Variants in JMJD1C observed in about 807,000 individuals in gnomAD.
JMJD1C encodes jumonji domain containing 1C, also known as jumonji domain-containing protein 1C.
In JMJD1C, 31 loss-of-function variants were observed where a neutral mutation model predicts 245.3. The ratio of observed to expected loss-of-function variants is 0.13; its 90% CI spans 0.09 to 0.17. The LOEUF is 0.17. Among genes scored for constraint, JMJD1C ranks in the 10% least tolerant of loss-of-function variants. JMJD1C has a pLI of 1.00. For missense variants in JMJD1C, 2,691 were observed against 3,000.2 expected, an observed-to-expected ratio of 0.90 and a Z score of 2.41; for synonymous variants, 1,057 against 1,017.4, an observed-to-expected ratio of 1.04 and a Z score of -0.74.
intron 13 of JMJD1C, among the ~76,000 whole-genome samples, chr10:63,196,659 T>C (rs186028272): frequency 1.3e-5 from 2 of 152,342 alleles, no homozygotes; most frequent in East Asian, 3.9e-4. Context: ...CAATCTATAC[T>C]AAGTACTTCT....
intron 2 of JMJD1C, among the ~76,000 whole-genome samples, chr10:63,377,048 A>G (rs1324194764): frequency 6.6e-6 from 1 of 152,242 alleles, no homozygotes; most frequent in East Asian, 1.9e-4. Flanking sequence ...CAAATGGATG[A>G]AAAGAACGTG....
At chr10:63,476,559 C>CA (rs2133169877) in intron 1 of JMJD1C, among the ~76,000 whole-genome samples, 1 of 151,816 alleles carries the variant, frequency 6.6e-6, no homozygotes, top group Non-Finnish European at 1.5e-5. Context: ...CCTGTCTCCA[C>CA]AAAAAATTTT....
intron 1 of JMJD1C, among the ~76,000 whole-genome samples, chr10:63,421,086 A>G (rs1201807842): frequency 6.6e-6 from 1 of 152,152 alleles, no homozygotes; most frequent in Non-Finnish European, 1.5e-5. Context: ...TGTAATCCCA[A>G]CACAATGGGA....
At chr10:63,452,756 T>C (rs756907193) in intron 1 of JMJD1C, among the ~76,000 whole-genome samples, 10 of 152,150 alleles carry the variant, frequency 6.6e-5, no homozygotes, top group Non-Finnish European at 1.3e-4. Flanking sequence ...AGTGAAGTTA[T>C]GATACTTGCT....
chr10:63,261,249 G>T (rs902350940), intron 3 of JMJD1C, among the ~76,000 whole-genome samples: 3 of 151,964 alleles, frequency 2.0e-5, no homozygotes, highest in Non-Finnish European at 4.4e-5. Flanking sequence ...AATATATAAT[G>T]ATTGCATCCT....
At chr10:63,384,103 A>T (rs982631543) in intron 1 of JMJD1C, among the ~76,000 whole-genome samples, 1 of 152,188 alleles carries the variant, frequency 6.6e-6, no homozygotes, top group African/African-American at 2.4e-5. Flanking sequence ...TTGCCCATCC[A>T]TAAGAAACAA....
At chr10:63,518,592 T>C (rs1268760215) in intron 1 of JMJD1C, among the ~76,000 whole-genome samples, 1 of 152,178 alleles carries the variant, frequency 6.6e-6, no homozygotes, top group Non-Finnish European at 1.5e-5. Context: ...CACATAACCG[T>C]TGCATGTGGA....
intron 2 of JMJD1C, among the ~76,000 whole-genome samples, chr10:63,302,534 T>C (rs573855560): frequency 6.6e-6 from 1 of 152,354 alleles, no homozygotes; most frequent in Admixed American, 6.5e-5. Flanking sequence ...AAGTTGTATG[T>C]TTATCTTCAC....
At chr10:63,427,841 C>A in intron 1 of JMJD1C, 1 of 956,512 alleles carries the variant, frequency 1.0e-6, no homozygotes, top group Non-Finnish European at 1.7e-6. Context: ...GTTGAGACAG[C>A]CAAGGAAGCC....
At chr10:63,270,189 C>T (rs1049643911) in intron 2 of JMJD1C, among the ~76,000 whole-genome samples, 5 of 152,028 alleles carry the variant, frequency 3.3e-5, no homozygotes, top group South Asian at 2.1e-4. Context: ...TTTTGGAGGA[C>T]GTAGTCTTGC....
intron 2 of JMJD1C, among the ~76,000 whole-genome samples, chr10:63,275,820 CT>C (rs921156330): frequency 6.7e-4 from 102 of 152,226 alleles, no homozygotes; most frequent in African/African-American, 2.0e-3. Context: ...ACTTTCAGCC[CT>C]TTTTTTCCTC....
chr10:63,289,034 C>A (rs889590285), intron 2 of JMJD1C, among the ~76,000 whole-genome samples: 54 of 151,750 alleles, frequency 3.6e-4, no homozygotes, highest in African/African-American at 1.3e-3. Context: ...ATCCTTAGTT[C>A]TTGCAATAAA....
chr10:63,175,524 T>C lies in JMJD1C; in HGVS notation c.7401+773A>G, dbSNP rs894854488. On this transcript the variant is annotated intron_variant, in intron 24 of 25. Transcript: ENST00000399262. The stretch of plus-strand genomic sequence containing the variant: ...TATTTGTATGGAAGAGTGCCATAAA[T>C]GCTAAAACAGTCAATGACTATACTT... 2.0e-5 allele frequency among the ~76,000 whole-genome samples: 3 copies of C among 152,204 alleles called. No homozygotes were observed. The East Asian group carries it at 5.8e-4, about 29-fold the overall frequency.
chr10:63,299,350 T>A (rs1012942158), intron 2 of JMJD1C, among the ~76,000 whole-genome samples: 2 of 128,652 alleles, frequency 1.6e-5, no homozygotes, highest in African/African-American at 6.7e-5. Flanking sequence ...ACCCAGCTAA[T>A]TTTTCCATTT....
At chr10:63,453,597 A>G (rs941407814) in intron 1 of JMJD1C, among the ~76,000 whole-genome samples, 5 of 152,252 alleles carry the variant, frequency 3.3e-5, no homozygotes, top group Non-Finnish European at 7.3e-5. Context: ...AAGCTGAAAC[A>G]AAGGCCTGAT....
intron 1 of JMJD1C, among the ~76,000 whole-genome samples, chr10:63,512,626 T>C (rs1954904072): frequency 6.6e-6 from 1 of 152,230 alleles, no homozygotes; most frequent in South Asian, 2.1e-4. Flanking sequence ...ATGGTTTCTT[T>C]ACCTTTGATT....
At chr10:63,185,303 G>T (rs966839996) in intron 20 of JMJD1C, among the ~76,000 whole-genome samples, 3 of 151,946 alleles carry the variant, frequency 2.0e-5, no homozygotes, top group African/African-American at 7.3e-5. Flanking sequence ...GCTAATTTTT[G>T]TATTTTTTTG....
In JMJD1C at chr10:63,444,812, T is replaced by C. The variant is rs181260972; in HGVS notation, c.168+20683A>G. 9.2e-3 allele frequency among the ~76,000 whole-genome samples: 1,404 copies of C among 152,236 alleles called. 23 individuals carry two copies. The highest frequency in any genetic ancestry group is 6.5e-3 in the Non-Finnish European group (441 of 68,004). ...AGCTAATTTTTTTGTGAATACCTAC[T>C]ATCTACTAAGCAATGTTCTCAATGC... is the stretch of plus-strand genomic sequence containing the variant. On this transcript the variant is annotated intron_variant, in intron 1 of 25. Coordinates refer to ENST00000399262, the MANE Select transcript of JMJD1C (RefSeq NM_032776.3).
intron 1 of JMJD1C, among the ~76,000 whole-genome samples, chr10:63,499,785 T>C (rs908974073): frequency 3.3e-5 from 5 of 152,230 alleles, no homozygotes; most frequent in African/African-American, 1.2e-4. Flanking sequence ...TATGCAAATA[T>C]TTAAAAAGCA....
Sources: gnomAD v4.1 joint callset for allele counts (sites outside exome capture counted in the v4.1 genomes callset) on GRCh38, gnomAD v4.1.1 for gene constraint, MANE v1.5 for transcripts, NCBI Gene and HGNC (gene_info 2026-07-23, HGNC 2026-07-21) for gene names.